ZNF140: variants seen among roughly 807,000 people sequenced by gnomAD.
The protein encoded by ZNF140 is zinc finger protein 140, also known as zinc finger protein 140 (clone pHZ-39).
In ZNF140, 13 loss-of-function variants were observed where a neutral mutation model predicts 12.9. The ratio of observed to expected loss-of-function variants is 1.01; its 90% CI spans 0.66 to 1.60. ZNF140 has a LOEUF of 1.60. ZNF140 is among the 40% of genes most tolerant of loss of function. The pLI, the probability that ZNF140 is intolerant of heterozygous loss-of-function variation, is 0.00. For synonymous variants in ZNF140, 214 were observed against 186.7 expected, an observed-to-expected ratio of 1.15 and a Z score of -1.19; for missense variants, 531 against 548.8, an observed-to-expected ratio of 0.97 and a Z score of 0.32.
intron 4 of ZNF140, among the ~76,000 whole-genome samples, chr12:133,095,893 G>A (rs61951767): frequency 0.028 from 4,157 of 149,782 alleles, 16 homozygotes; most frequent in Non-Finnish European, 0.046. Flanking sequence ...ACCATAGGGC[G>A]GTTTTGCTAC....
intron 4 of ZNF140, among the ~76,000 whole-genome samples, chr12:133,097,662 CTTA>C (rs1955178261): frequency 6.7e-6 from 1 of 150,128 alleles, no homozygotes; most frequent in African/African-American, 2.5e-5. Flanking sequence ...AAAAAAATTA[CTTA>C]TTTCTTTAGA....
At chr12:133,089,319 T>C (rs994937373) in intron 4 of ZNF140, among the ~76,000 whole-genome samples, 1 of 151,990 alleles carries the variant, frequency 6.6e-6, no homozygotes, top group Admixed American at 6.6e-5. Flanking sequence ...GCCCAGGTGA[T>C]CCTCCCGTCT....
At chr12:133,093,561 C>G (rs1954967193) in intron 4 of ZNF140, 8 of 681,052 alleles carry the variant, frequency 1.2e-5, no homozygotes, top group Non-Finnish European at 5.4e-6. Flanking sequence ...AGCAAAATCT[C>G]TCCCCCATGT....
At position 133,081,366 on chromosome 12, in the gene ZNF140, TA is replaced by T. The variant is rs1954485236; in HGVS notation, c.9+38del. ...ATTGATAAATATATATATATATATA[TA>T]TATAAATTTTTATTTTTTTTTTAAG... On this transcript the variant is annotated intron_variant, in intron 2 of 4. Transcript: ENST00000355557. 70 of 267,550 alleles carry T rather than the reference TA, an allele frequency of 2.6e-4. 1 individual carries two copies. The highest frequency in any genetic ancestry group is 4.1e-4 in the Non-Finnish European group (65 of 159,256). 16.6% of individuals were successfully genotyped at this position (267,550 alleles called of 1,614,324 possible).
At position 133,100,160 on chromosome 12, in the gene ZNF140, G is replaced by GTTTTTTTTT. The variant is rs58610589; in HGVS notation, c.233-5331_233-5323dup. Among the ~76,000 whole-genome samples the GTTTTTTTTT allele has an allele frequency of 1.0e-3, 63 of 60,980 alleles. 5 individuals are homozygous for GTTTTTTTTT. Among genetic ancestry groups the GTTTTTTTTT allele is most frequent in the African/African-American group, 2.8e-3 (35 of 12,636 alleles). 40.0% of individuals were successfully genotyped at this position (60,980 alleles called of 152,430 possible). A position where few individuals can be genotyped will look rare whatever the true frequency, so the allele number is the denominator to read the frequency against. On this transcript the variant is annotated intron_variant, in intron 4 of 4. Transcript: ENST00000355557. ...CATCCAAAAATTTAATGCCTTTTCC[G>GTTTTTTTTT]TTTTTTTTTTTTTTTTTTTTTTTTT...
chr12:133,093,410 T>G, intron 4 of ZNF140: 1 of 698,798 alleles, frequency 1.4e-6, no homozygotes, highest in Non-Finnish European at 2.6e-6. Context: ...TCTTGTGTTT[T>G]CCAGGCTTTT....
At chr12:133,083,626 A>G (rs1276219868) in intron 4 of ZNF140, 65 bp downstream of exon 4, 1 of 1,432,012 alleles carries the variant, frequency 7.0e-7, no homozygotes, top group African/African-American at 1.4e-5. Flanking sequence ...TGAAAAAGGA[A>G]TACTTTTTAA....
intron 4 of ZNF140, chr12:133,100,888 AG>A (rs1434555929): frequency 1.8e-5 from 7 of 391,450 alleles, no homozygotes; most frequent in Non-Finnish European, 3.6e-5. Context: ...GGGGTGGAGC[AG>A]GATGGTGCGA....
intron 4 of ZNF140, among the ~76,000 whole-genome samples, chr12:133,091,021 T>C (rs1272046841): frequency 1.3e-5 from 2 of 148,782 alleles, no homozygotes; most frequent in South Asian, 2.2e-4. Flanking sequence ...GACATTCAGT[T>C]CCCAGGGGCA....
Position 133,105,599 on chromosome 12 carries a change from C to G in ZNF140, c.322C>G (p.Leu108Val), listed in dbSNP as rs1955563099. ...CCAGTATTTGATCATGGAAAGAATT[C>G]TAAGTCAAGGCCCTGTGTATTCCAG... Reference protein sequence around the residue: ...SSQYLIMERILSQGPVYSSFK... With the variant: ...SSQYLIMERIVSQGPVYSSFK... The change falls in exon 5 of 5, where the codon CTA becomes GTA. Residue 108 changes from leucine (L) to valine (V), a missense_variant. Coordinates refer to ENST00000355557, the MANE Select transcript of ZNF140 (RefSeq NM_003440.4). 2 of 1,614,078 alleles carry G rather than the reference C, an allele frequency of 1.2e-6. No homozygotes were observed. The highest frequency in any genetic ancestry group is 1.7e-6 in the Non-Finnish European group (2 of 1,180,016).
Position 133,106,218 on chromosome 12 carries a change from C to T in ZNF140, c.941C>T (p.Ser314Leu). ...IECGKAFRRF[S>L]HLTRHQSIHT... is the part of the protein sequence containing the mutation. ...TGTGGGAAGGCATTTCGCCGTTTCT[C>T]ACACCTTACTCGACATCAGAGCATC... The change falls in exon 5 of 5, where the codon TCA becomes TTA. Residue 314 changes from serine to leucine, a missense_variant. By Grantham distance (145) the Ser-to-Leu change is moderately radical. Coordinates refer to ENST00000355557, the MANE Select transcript of ZNF140 (RefSeq NM_003440.4). 3 of 1,614,188 alleles carry T rather than the reference C, an allele frequency of 1.9e-6. No individual in the cohort carries two copies. Among genetic ancestry groups the T allele is most frequent in the Non-Finnish European group, 1.7e-6 (2 of 1,180,032 alleles).
At chr12:133,084,275 T>G in intron 4 of ZNF140, 1 of 360,812 alleles carries the variant, frequency 2.8e-6, no homozygotes, top group Non-Finnish European at 5.2e-6. Context: ...TGCTGTTCTA[T>G]TTAATCACCT....
intron 4 of ZNF140, among the ~76,000 whole-genome samples, chr12:133,097,167 C>A (rs1955159302): frequency 1.3e-5 from 2 of 152,194 alleles, no homozygotes; most frequent in Admixed American, 1.3e-4. Context: ...AGCTACGTCT[C>A]TTTCTTTTGA....
chr12:133,090,520 G>A (rs945493676), intron 4 of ZNF140, among the ~76,000 whole-genome samples: 6 of 151,974 alleles, frequency 3.9e-5, no homozygotes, highest in African/African-American at 9.7e-5. Flanking sequence ...GACATAGAAC[G>A]TAGATGATTG....
At position 133,083,246 on chromosome 12, in the gene ZNF140, A is replaced by T. The variant is rs1420511262; in HGVS notation, c.136+17A>T. 1.9e-6 allele frequency: 3 copies of T among 1,601,616 alleles called. No individual in the cohort carries two copies. The highest frequency in any genetic ancestry group is 1.7e-6 in the Non-Finnish European group (2 of 1,170,842). On this transcript the variant is annotated intron_variant, in intron 3 of 4. Transcript: ENST00000355557. ...TCTCACTGGGTAAGTATTCTTCTTCATCTCCCTCAAGGCAAAATTTGACCG... is the reference window on the plus strand; with the variant it reads ...TCTCACTGGGTAAGTATTCTTCTTCTTCTCCCTCAAGGCAAAATTTGACCG...
intron 4 of ZNF140, among the ~76,000 whole-genome samples, chr12:133,102,844 T>C (rs1390173467): frequency 6.6e-6 from 1 of 151,000 alleles, no homozygotes; most frequent in Non-Finnish European, 1.5e-5. Context: ...CTAAAAAGAG[T>C]ATGGAGGTAT....
chr12:133,100,550 G>C (rs1955310356), intron 4 of ZNF140, among the ~76,000 whole-genome samples: 1 of 152,276 alleles, frequency 6.6e-6, no homozygotes, highest in African/African-American at 2.4e-5. Context: ...AGCGAAACTA[G>C]CTGAGTTGCT....
chr12:133,106,449 A>T lies in ZNF140; in HGVS notation c.1172A>T (p.Asp391Val), dbSNP rs1955601916. ...AAACCCTATGCGTGTGCTGAATGTG[A>T]TAAAGCCTTCAGCCGGAGCTTTTCC... ...GEKPYACAEC[D>V]KAFSRSFSLI... Residue 391 changes from aspartate (D) to valine (V), a missense_variant, in exon 5 of 5, where the codon GAT becomes GTT. Asp to Val is a radical substitution (Grantham distance 152, BLOSUM62 -3). Transcript: ENST00000355557. 6.2e-7 allele frequency: 1 copy of T among 1,613,950 alleles called. No individual in the cohort carries two copies. The highest frequency in any genetic ancestry group is 1.7e-5 in the Admixed American group (1 of 60,006).
chr12:133,101,507 C>T (rs1357274578), intron 4 of ZNF140, among the ~76,000 whole-genome samples: 3 of 152,144 alleles, frequency 2.0e-5, no homozygotes, highest in Non-Finnish European at 2.9e-5. Context: ...TGCAGTGGCG[C>T]GATCTCAGCT....
Sources: allele counts gnomAD v4.1 joint callset (sites outside exome capture counted in the v4.1 genomes callset), GRCh38; gene constraint gnomAD v4.1.1; transcripts MANE v1.5; gene names NCBI Gene and HGNC (gene_info 2026-07-23, HGNC 2026-07-21).